Variants in ABR observed in about 807,000 individuals in gnomAD.
ABR encodes the protein ABR activator of RhoGEF and GTPase.
In ABR, 35 loss-of-function variants were observed where a neutral mutation model predicts 107.2. The ratio of observed to expected loss-of-function variants is 0.33; its 90% CI spans 0.25 to 0.43. ABR has a LOEUF of 0.43. ABR is among the 20% of genes least tolerant of loss of function. The pLI is 1.00. For synonymous variants in ABR, 498 were observed against 462.0 expected, an observed-to-expected ratio of 1.08 and a Z score of -1.00; for missense variants, 815 against 1,115.2, an observed-to-expected ratio of 0.73 and a Z score of 3.83.
intron 16 of ABR, among the ~76,000 whole-genome samples, chr17:1,045,456 G>A (rs113946695): frequency 2.1e-4 from 31 of 150,218 alleles, no homozygotes; most frequent in Non-Finnish European, 1.2e-4. Flanking sequence ...ACAATCTTCC[G>A]TCTTCTTACA....
At chr17:1,197,943 T>C (rs1475059265) in intron 1 of ABR, among the ~76,000 whole-genome samples, 1 of 151,764 alleles carries the variant, frequency 6.6e-6, no homozygotes, top group Non-Finnish European at 1.5e-5. Flanking sequence ...ATCAAAGCCA[T>C]GCTGCAGGCA....
In ABR at chr17:1,005,393, G is replaced by C. The variant is rs2069944750; in HGVS notation, c.*687C>G. 1 of 376,020 alleles carries C rather than the reference G, an allele frequency of 2.7e-6. No homozygotes were observed. Among genetic ancestry groups the C allele is most frequent in the Non-Finnish European group, 4.7e-6 (1 of 212,158 alleles). 23.3% of individuals were successfully genotyped at this position (376,020 alleles called of 1,614,324 possible). A position where few individuals can be genotyped will look rare whatever the true frequency, so the allele number is the denominator to read the frequency against. On this transcript the variant is annotated 3_prime_UTR_variant, in exon 23 of 23. Coordinates refer to ENST00000302538, the MANE Select transcript of ABR (RefSeq NM_021962.5). ...CTAAGCTGGGGACGAGTGTGAGTGT[G>C]TCTGCTTGTCCAACATTTGCACAGG...
At position 1,157,411 on chromosome 17, in the gene ABR, C is replaced by G. The variant is rs2440049; in HGVS notation, c.61+22256G>C. ...GATTACAGGTGTGCGCCACCACGCC[C>G]GGCTAATTTTTATATTTTTAATAGA... On this transcript the variant is annotated intron_variant, in intron 1 of 22. Transcript: ENST00000302538. The surrounding 1 kb of genome is among the most constrained non-coding windows in gnomAD (Gnocchi z 4.7). 7.3e-3 allele frequency among the ~76,000 whole-genome samples: 1,116 copies of G among 152,172 alleles called. 7 individuals carry two copies. Among genetic ancestry groups the G allele is most frequent in the Non-Finnish European group, 0.012 (830 of 68,006 alleles).
rs543255876 is a variant in ABR, at chr17:1,137,546, G to A, written c.62-12179C>T. ...TTCATAGATGAAGGTTGCCGGGTCC[G>A]GTCTGTGGTGCCCAAAACAATGACA... On this transcript the variant is annotated intron_variant, in intron 1 of 22. Transcript: ENST00000302538. 2.6e-5 allele frequency among the ~76,000 whole-genome samples: 4 copies of A among 152,142 alleles called. No homozygotes were observed. In the South Asian group the frequency reaches 8.3e-4, roughly 32 times the overall value.
chr17:1,227,564 G>C (rs540949197), intron 1 of ABR, among the ~76,000 whole-genome samples: 43 of 152,320 alleles, frequency 2.8e-4, no homozygotes, highest in Middle Eastern at 3.4e-3. Flanking sequence ...TAGCAAAGTG[G>C]ACAGTTTTTC....
At chr17:1,128,588 G>T (rs879486041) in intron 1 of ABR, among the ~76,000 whole-genome samples, 4 of 152,240 alleles carry the variant, frequency 2.6e-5, no homozygotes, top group African/African-American at 4.8e-5. Flanking sequence ...TAGCCGAAAG[G>T]TACACTATCC....
rs983798909 is a variant in ABR, at chr17:1,109,122, C to CGGGAGGA, written c.247-8394_247-8388dup. 9.5e-4 allele frequency: 1,080 copies of CGGGAGGA among 1,131,396 alleles called. 3 individuals carry two copies. Among genetic ancestry groups the CGGGAGGA allele is most frequent in the East Asian group, 6.0e-3 (96 of 16,092 alleles). 70.1% of individuals were successfully genotyped at this position (1,131,396 alleles called of 1,614,324 possible). On this transcript the variant is annotated intron_variant, in intron 2 of 22. Coordinates refer to ENST00000302538, the MANE Select transcript of ABR (RefSeq NM_021962.5). ...GGAAGCGGGGTCCACGCAGCGGCGG[C>CGGGAGGA]GGGAGGAGGGAGGAGGGAGGAGGCG...
intron 6 of ABR, 107 bp from the exon 7 acceptor site, chr17:1,073,784 C>A (rs2035453117): frequency 2.0e-6 from 2 of 1,000,690 alleles, no homozygotes; most frequent in East Asian, 5.5e-5. Context: ...CACGTGAACA[C>A]CCCTCGAGGG....
intron 16 of ABR, among the ~76,000 whole-genome samples, chr17:1,023,498 G>A (rs184784758): frequency 1.3e-5 from 2 of 152,254 alleles, no homozygotes; most frequent in East Asian, 1.9e-4. Context: ...GGATGCCAGA[G>A]TGGCAAGGGC....
intron 21 of ABR, among the ~76,000 whole-genome samples, chr17:1,007,637 G>A (rs557531180): frequency 1.4e-4 from 22 of 152,286 alleles, no homozygotes; most frequent in African/African-American, 4.8e-4. Flanking sequence ...AAACTCCCTG[G>A]AACAACTCAC....
At position 1,162,855 on chromosome 17, in the gene ABR, C is replaced by T. The variant is rs564496372; in HGVS notation, c.61+16812G>A. Among the ~76,000 whole-genome samples the T allele has an allele frequency of 5.3e-5, 8 of 152,232 alleles. No homozygotes were observed. In the East Asian group the frequency reaches 7.7e-4, roughly 15 times the overall value. On this transcript the variant is annotated intron_variant, in intron 1 of 22. Transcript: ENST00000302538. ...TTGGGAGGCTGAGGCAGGTGGATCA[C>T]GAGGTCAGGAGTTTGAGGCCAGCCT...
intron 1 of ABR, among the ~76,000 whole-genome samples, chr17:1,151,982 G>A (rs564576239): frequency 1.1e-3 from 157 of 149,490 alleles, no homozygotes; most frequent in Non-Finnish European, 2.1e-3. Flanking sequence ...GGGAAACCCC[G>A]CCTCTACTAA....
chr17:1,042,010 G>A (rs1312766158), intron 16 of ABR, among the ~76,000 whole-genome samples: 6 of 152,170 alleles, frequency 3.9e-5, no homozygotes, highest in Non-Finnish European at 8.8e-5. Flanking sequence ...CTAGGGTCAC[G>A]GGTCCTGCTC....
intron 2 of ABR, among the ~76,000 whole-genome samples, chr17:1,106,622 C>T (rs1242681495): frequency 6.6e-6 from 1 of 151,654 alleles, no homozygotes; most frequent in Non-Finnish European, 1.5e-5. Context: ...CTCTGCCTCC[C>T]AGGTTCAAGC....
At chr17:1,087,662 G>A (rs561216594) in intron 4 of ABR, among the ~76,000 whole-genome samples, 43 of 151,988 alleles carry the variant, frequency 2.8e-4, no homozygotes, top group African/African-American at 9.7e-4. Flanking sequence ...CAATGCCCAC[G>A]CTACACGAGG....
At chr17:1,151,939 G>A (rs2040810863) in intron 1 of ABR, among the ~76,000 whole-genome samples, 2 of 151,908 alleles carry the variant, frequency 1.3e-5, no homozygotes, top group African/African-American at 4.8e-5. Flanking sequence ...TGGATCACGA[G>A]GTCAGGAGAT....
chr17:1,123,853 C>A (rs2039464228), intron 2 of ABR, among the ~76,000 whole-genome samples: 1 of 152,196 alleles, frequency 6.6e-6, no homozygotes, highest in African/African-American at 2.4e-5. Context: ...CCAATGCCTC[C>A]AGGAGAACCA....
In ABR at chr17:1,193,847, C is replaced by T. The variant is rs112727514; in HGVS notation, c.838+34946G>A. 1.9e-3 allele frequency among the ~76,000 whole-genome samples: 286 copies of T among 152,224 alleles called. 2 individuals carry two copies. Among genetic ancestry groups the T allele is most frequent in the African/African-American group, 6.4e-3 (265 of 41,540 alleles). ...CTGGGACTACAGGCACCCGCCACCA[C>T]GCCCAGCTAATTTTTTTTTTGTATT... On this transcript the variant is annotated intron_variant, in intron 1 of 22. Transcript: ENST00000574139.
In ABR at chr17:1,125,311, G is replaced by T. The variant is rs142677383; in HGVS notation, c.118C>A (p.Pro40Thr). 3 of 1,613,894 alleles carry T rather than the reference G, an allele frequency of 1.9e-6. No individual in the cohort carries two copies. The highest frequency in any genetic ancestry group is 2.5e-6 in the Non-Finnish European group (3 of 1,179,958). Residue 40 changes from proline (P) to threonine (T), a missense_variant, in exon 2 of 23, where the codon CCC (proline) becomes ACC (threonine). Coordinates refer to ENST00000302538, the MANE Select transcript of ABR (RefSeq NM_021962.5). ...DGEGNEEQKG[P>T]PEGSETMPYI... ...GGCATGGTCTCTGAGCCCTCCGGGG[G>T]CCCCTTCTGCTCCTCATTCCCCTCT... is the stretch of plus-strand genomic sequence containing the variant.
Sources: gnomAD v4.1 joint callset for allele counts (sites outside exome capture counted in the v4.1 genomes callset) on GRCh38, gnomAD v4.1.1 for gene constraint, Gnocchi (gnomAD v3.1) non-coding constraint, MANE v1.5 for transcripts, NCBI Gene and HGNC (gene_info 2026-07-23, HGNC 2026-07-21) for gene names.